Variants in CWC27 observed in about 807,000 individuals in gnomAD.
The protein encoded by CWC27 is spliceosome-associated protein CWC27 homolog.
Under a neutral mutation model 63.6 loss-of-function variants are expected in CWC27, and 47 were observed. That is an observed-to-expected ratio of 0.74 (90% CI 0.58 to 0.94). The LOEUF is 0.94. Ranked by LOEUF, CWC27 falls within the 40% of genes least tolerant of loss-of-function variation. CWC27 has a pLI of 0.00. For synonymous variants in CWC27, 175 were observed against 179.8 expected, an observed-to-expected ratio of 0.97 and a Z score of 0.22; for missense variants, 495 against 554.3, an observed-to-expected ratio of 0.89 and a Z score of 1.07.
intron 10 of CWC27, among the ~76,000 whole-genome samples, chr5:64,881,718 T>TTAA (rs1746938669): frequency 1.3e-5 from 2 of 152,174 alleles, no homozygotes; most frequent in Non-Finnish European, 2.9e-5. Context: ...TTAAGTCTTA[T>TTAA]AATAGCTATG....
At chr5:64,960,572 G>A (rs1165449808) in intron 11 of CWC27, among the ~76,000 whole-genome samples, 2 of 151,650 alleles carry the variant, frequency 1.3e-5, no homozygotes, top group Non-Finnish European at 2.9e-5. Flanking sequence ...GTATTTTCCA[G>A]AAAGTATGAG....
At chr5:64,948,261 A>C (rs947373194) in intron 11 of CWC27, among the ~76,000 whole-genome samples, 2 of 152,042 alleles carry the variant, frequency 1.3e-5, no homozygotes, top group Non-Finnish European at 2.9e-5. Context: ...CATCGACTAG[A>C]AAAAATCAGA....
intron 10 of CWC27, among the ~76,000 whole-genome samples, chr5:64,882,483 AAG>A (rs142829754): frequency 3.9e-4 from 59 of 152,346 alleles, no homozygotes; most frequent in African/African-American, 1.4e-3. Context: ...CTTAGTACAA[AAG>A]AGAGTGTTGA....
chr5:64,938,741 C>G (rs1351742263), intron 11 of CWC27, among the ~76,000 whole-genome samples: 1 of 149,726 alleles, frequency 6.7e-6, no homozygotes, highest in African/African-American at 2.5e-5. Flanking sequence ...TTCAGGTACA[C>G]CAGTCAAACA....
At chr5:64,841,481 G>A (rs1211969553) in intron 10 of CWC27, among the ~76,000 whole-genome samples, 2 of 152,112 alleles carry the variant, frequency 1.3e-5, no homozygotes, top group African/African-American at 4.8e-5. Context: ...CTCTCTCAGT[G>A]AATATACCCT....
chr5:64,837,704 T>A (rs1745692912), intron 10 of CWC27, among the ~76,000 whole-genome samples: 1 of 151,932 alleles, frequency 6.6e-6, no homozygotes, highest in Non-Finnish European at 1.5e-5. Flanking sequence ...AAGCCAAACC[T>A]CACCTCACGG....
intron 10 of CWC27, among the ~76,000 whole-genome samples, chr5:64,861,831 A>C (rs924586386): frequency 5.3e-5 from 8 of 152,328 alleles, no homozygotes; most frequent in African/African-American, 1.9e-4. Flanking sequence ...ATAGGAATAT[A>C]GGTTACTAAA....
chr5:64,938,116 T>C (rs886538985), intron 11 of CWC27, among the ~76,000 whole-genome samples: 17 of 152,162 alleles, frequency 1.1e-4, no homozygotes, highest in African/African-American at 3.9e-4. Context: ...TTAAGGTTAA[T>C]ATTGTTATGT....
chr5:64,833,169 C>A (rs552276823), intron 10 of CWC27, among the ~76,000 whole-genome samples: 2 of 151,658 alleles, frequency 1.3e-5, no homozygotes, highest in African/African-American at 4.8e-5. Flanking sequence ...ACACACATAC[C>A]CCCCCACACA....
chr5:64,788,968 C>G lies in CWC27; in HGVS notation c.617C>G (p.Ser206Ter). 6.4e-7 allele frequency: 1 copy of G among 1,566,410 alleles called. No homozygotes were observed. The highest frequency in any genetic ancestry group is 8.7e-7 in the Non-Finnish European group (1 of 1,156,016). Residue 206 changes from serine (S) to a stop codon, truncating the protein, a stop_gained, in exon 7 of 14, where the codon TCA becomes TGA. Coordinates refer to ENST00000381070, the MANE Select transcript of CWC27 (RefSeq NM_005869.4). LOFTEE classifies it high-confidence loss of function. ...PKGTKNFSLL[S>*]FGEEAEEEEE... ...TGGACTAGAAATTTTAGTTTACTTT[C>G]ATTTGGAGAGGAAGCTGAGGAAGAA...
At position 64,983,566 on chromosome 5, in the gene CWC27, A is replaced by G. The variant is rs1018531938; in HGVS notation, c.1256+6328A>G. Among the ~76,000 whole-genome samples, 6 of 152,218 alleles carry G rather than the reference A, an allele frequency of 3.9e-5. No individual in the cohort carries two copies. The East Asian group carries it at 5.8e-4, about 15-fold the overall frequency. ...TTAATCACAGATTATGACCCAATCTATAGGTCCTGGGAAGCTTTTTTCCAG... is the reference window on the plus strand; with the variant it reads ...TTAATCACAGATTATGACCCAATCTGTAGGTCCTGGGAAGCTTTTTTCCAG... On this transcript the variant is annotated intron_variant, in intron 13 of 13. Coordinates refer to ENST00000381070, the MANE Select transcript of CWC27 (RefSeq NM_005869.4).
chr5:65,000,111 A>G (rs1210709278), intron 13 of CWC27, among the ~76,000 whole-genome samples: 1 of 151,842 alleles, frequency 6.6e-6, no homozygotes, highest in Non-Finnish European at 1.5e-5. Flanking sequence ...TTTTCTACAT[A>G]CCTGTTGGCC....
At chr5:64,962,810 G>C (rs1220020539) in intron 11 of CWC27, among the ~76,000 whole-genome samples, 1 of 152,158 alleles carries the variant, frequency 6.6e-6, no homozygotes, top group Admixed American at 6.5e-5. Context: ...GTGTGATGGA[G>C]ATGCAGTCCT....
intron 13 of CWC27, among the ~76,000 whole-genome samples, chr5:64,991,274 T>C (rs1749531715): frequency 6.6e-6 from 1 of 151,918 alleles, no homozygotes; most frequent in African/African-American, 2.4e-5. Flanking sequence ...TAGTGGGTAG[T>C]AACCTGCCAG....
At chr5:64,855,413 A>G (rs1329964388) in intron 10 of CWC27, among the ~76,000 whole-genome samples, 1 of 152,150 alleles carries the variant, frequency 6.6e-6, no homozygotes, top group East Asian at 1.9e-4. Flanking sequence ...CATTATATAG[A>G]TAATGTTGAT....
intron 11 of CWC27, among the ~76,000 whole-genome samples, chr5:64,967,935 A>C (rs1011467258): frequency 6.6e-6 from 1 of 152,044 alleles, no homozygotes. Context: ...ATCGAATTTT[A>C]ACTTTTGCTC....
chr5:64,770,159 A>G (rs992874826), intron 1 of CWC27, among the ~76,000 whole-genome samples: 3 of 152,224 alleles, frequency 2.0e-5, no homozygotes, highest in Non-Finnish European at 4.4e-5. Flanking sequence ...TGATAATGTA[A>G]TGAGAGCAAT....
intron 7 of CWC27, among the ~76,000 whole-genome samples, chr5:64,799,316 A>G (rs1744395386): frequency 1.3e-5 from 2 of 152,280 alleles, no homozygotes; most frequent in East Asian, 1.9e-4. Flanking sequence ...GGCCAGGCAC[A>G]GTGGCTCATG....
chr5:64,908,754 C>T (rs890507960), intron 11 of CWC27, among the ~76,000 whole-genome samples: 1 of 152,148 alleles, frequency 6.6e-6, no homozygotes, highest in Non-Finnish European at 1.5e-5. Context: ...TCCTCCATCC[C>T]TTTATTTTGA....
Sources: gnomAD v4.1 joint callset for allele counts (sites outside exome capture counted in the v4.1 genomes callset) on GRCh38, gnomAD v4.1.1 for gene constraint, MANE v1.5 for transcripts, NCBI Gene and HGNC (gene_info 2026-07-23, HGNC 2026-07-21) for gene names.